EIF2AK2: variants seen among roughly 807,000 people sequenced by gnomAD.
The protein encoded by EIF2AK2 is interferon-induced, double-stranded RNA-activated protein kinase.
EIF2AK2 carries 40 observed loss-of-function variants against 70.5 expected under a neutral mutation model. That is an observed-to-expected ratio of 0.57 (90% CI 0.44 to 0.74). EIF2AK2 has a LOEUF of 0.74. Ranked by LOEUF, EIF2AK2 falls within the 30% of genes least tolerant of loss-of-function variation. The probability of loss-of-function intolerance (pLI) is 0.00; values close to 1 mark genes in which losing one functional copy is unlikely to be tolerated. For missense variants in EIF2AK2, 555 were observed against 644.3 expected (o/e 0.86, Z 1.50); for synonymous variants, 198 against 220.9 (o/e 0.90, Z 0.92).
chr2:37,138,928 T>C (rs1448637364), intron 6 of EIF2AK2, among the ~76,000 whole-genome samples: 4 of 151,552 alleles, frequency 2.6e-5, no homozygotes, highest in Non-Finnish European at 5.9e-5. Flanking sequence ...CCTGAGTAGC[T>C]AGGACTACAG....
At chr2:37,120,592 A>G (rs1674509176) in intron 12 of EIF2AK2, among the ~76,000 whole-genome samples, 1 of 149,812 alleles carries the variant, frequency 6.7e-6, no homozygotes, top group South Asian at 2.2e-4. Flanking sequence ...AATTTGAATC[A>G]AAATATAATA....
intron 13 of EIF2AK2, among the ~76,000 whole-genome samples, chr2:37,118,880 C>G (rs1304495103): frequency 6.6e-6 from 1 of 152,084 alleles, no homozygotes. Context: ...TTATTCCTTG[C>G]TGTTTTAGAG....
intron 4 of EIF2AK2, among the ~76,000 whole-genome samples, chr2:37,143,715 C>G (rs954265278): frequency 6.6e-6 from 1 of 151,808 alleles, no homozygotes; most frequent in Non-Finnish European, 1.5e-5. Context: ...GAGACTCCAT[C>G]GCTACAAAAA....
intron 10 of EIF2AK2, among the ~76,000 whole-genome samples, chr2:37,132,206 C>T (rs1381191214): frequency 6.6e-6 from 1 of 152,118 alleles, no homozygotes; most frequent in African/African-American, 2.4e-5. Context: ...CCCTTTTATC[C>T]CAAACACCAA....
At chr2:37,121,766 C>G (rs901601944) in intron 12 of EIF2AK2, among the ~76,000 whole-genome samples, 1 of 151,958 alleles carries the variant, frequency 6.6e-6, no homozygotes, top group Middle Eastern at 3.2e-3. Flanking sequence ...GTCCTGTATG[C>G]TGACGGTCAA....
intron 1 of EIF2AK2, among the ~76,000 whole-genome samples, chr2:37,150,028 T>C (rs1203479692): frequency 6.6e-6 from 1 of 152,080 alleles, no homozygotes; most frequent in Non-Finnish European, 1.5e-5. Flanking sequence ...TCACTGATCA[T>C]GGGAATGTTC....
intron 5 of EIF2AK2, 138 bp from the exon 6 acceptor site, chr2:37,139,895 G>T: frequency 2.2e-6 from 2 of 927,858 alleles, no homozygotes; most frequent in Non-Finnish European, 3.1e-6. Context: ...TTCATATCTT[G>T]CATAATTTAA....
At chr2:37,151,920 G>C (rs933514143) in intron 1 of EIF2AK2, among the ~76,000 whole-genome samples, 14 of 152,224 alleles carry the variant, frequency 9.2e-5, no homozygotes, top group African/African-American at 3.4e-4. Context: ...CAAAAAATTA[G>C]CCGGGCGCGG....
rs570727012 is a variant in EIF2AK2 at position 37,100,275 on chromosome 2, C to T, written c.*6998G>A. 6.6e-6 allele frequency: 1 copy of T among 152,344 alleles called. No individual in the cohort carries two copies. Among genetic ancestry groups the T allele is most frequent in the South Asian group, 2.1e-4 (1 of 4,832 alleles). The allele number at this position is 152,344 out of a possible 1,614,324, so 9.4% of individuals were successfully genotyped here. A position where few individuals can be genotyped will look rare whatever the true frequency, so the allele number is the denominator to read the frequency against. ...CTGAATATGGGATGCATCATGGAAG[C>T]CTCCAGAGGAGCATGGCCTTGCCCA... is the stretch of plus-strand genomic sequence containing the variant. On this transcript the variant is annotated 3_prime_UTR_variant, in exon 17 of 17. Coordinates refer to ENST00000233057, the MANE Select transcript of EIF2AK2 (RefSeq NM_001135651.3).
intron 1 of EIF2AK2, among the ~76,000 whole-genome samples, chr2:37,151,812 C>T (rs1331390503): frequency 1.3e-5 from 2 of 152,254 alleles, no homozygotes; most frequent in African/African-American, 4.8e-5. Flanking sequence ...GGCGCCGTGG[C>T]TCATGCCTGT....
chr2:37,124,796 T>C (rs1484009917), intron 11 of EIF2AK2, among the ~76,000 whole-genome samples: 1 of 151,598 alleles, frequency 6.6e-6, no homozygotes, highest in African/African-American at 2.4e-5. Flanking sequence ...GGTGTGACCA[T>C]GGCTCACTGC....
chr2:37,150,724 ATT>A (rs1238272751), intron 1 of EIF2AK2, among the ~76,000 whole-genome samples: 2 of 152,186 alleles, frequency 1.3e-5, no homozygotes, highest in African/African-American at 4.8e-5. Flanking sequence ...CTCCCCACGT[ATT>A]CTTCAAATAA....
intron 13 of EIF2AK2, chr2:37,115,173 G>A (rs532772926): frequency 7.1e-5 from 13 of 182,520 alleles, no homozygotes; most frequent in East Asian, 4.9e-4. Flanking sequence ...TCAGCCTCCC[G>A]AGTAGCTGGG....
intron 10 of EIF2AK2, among the ~76,000 whole-genome samples, chr2:37,134,581 C>T (rs1007698284): frequency 2.0e-4 from 30 of 152,310 alleles, no homozygotes; most frequent in African/African-American, 6.7e-4. Context: ...AATGGTGCAA[C>T]ATCAAATCGT....
rs1572994682 is a variant in EIF2AK2, at chr2:37,107,207, C to T, written c.*66G>A. On this transcript the variant is annotated 3_prime_UTR_variant, in exon 17 of 17. Coordinates refer to ENST00000233057, the MANE Select transcript of EIF2AK2 (RefSeq NM_001135651.3). ...AAAGGTAAATATCTATTGATATTCC[C>T]TAGCAGATTTTAGATAATTTAAGGA... The T allele has an allele frequency of 6.4e-7, 1 of 1,561,494 alleles. No individual in the cohort carries two copies. The highest frequency in any genetic ancestry group is 2.3e-5 in the East Asian group (1 of 44,224).
At chr2:37,114,644 G>C in intron 14 of EIF2AK2, 87 bp downstream of exon 14, 1 of 1,257,890 alleles carries the variant, frequency 7.9e-7, no homozygotes, top group Admixed American at 2.9e-5. Flanking sequence ...CTTCTGTACA[G>C]TTTTAATTAT....
intron 1 of EIF2AK2, among the ~76,000 whole-genome samples, chr2:37,151,624 A>T (rs1344363994): frequency 6.6e-6 from 1 of 152,236 alleles, no homozygotes. Context: ...TTCCAAACAA[A>T]GACTTAGACA....
chr2:37,154,515 G>A (rs12994644), intron 1 of EIF2AK2, among the ~76,000 whole-genome samples: 2 of 151,594 alleles, frequency 1.3e-5, no homozygotes, highest in African/African-American at 4.9e-5. Flanking sequence ...CATCCTCTTC[G>A]CCCTCCTCTC....
chr2:37,120,462 A>C (rs1030479006), intron 12 of EIF2AK2, among the ~76,000 whole-genome samples: 1 of 140,022 alleles, frequency 7.1e-6, no homozygotes, highest in Non-Finnish European at 1.5e-5. Flanking sequence ...AGCCGAGATC[A>C]CGCCACTGCA....
Sources: allele counts gnomAD v4.1 joint callset (sites outside exome capture counted in the v4.1 genomes callset), GRCh38; gene constraint gnomAD v4.1.1; transcripts MANE v1.5; gene names NCBI Gene and HGNC (gene_info 2026-07-23, HGNC 2026-07-21).